Variants in SORCS2 observed in about 807,000 individuals in gnomAD.
The protein encoded by SORCS2 is sortilin related VPS10 domain containing receptor 2, also known as VPS10 domain-containing receptor SorCS2.
In SORCS2, 100 loss-of-function variants were observed where a neutral mutation model predicts 141.6. That is an observed-to-expected ratio of 0.71 (90% confidence interval 0.60 to 0.83). SORCS2 has a LOEUF of 0.83. Ranked by LOEUF, SORCS2 falls within the 40% of genes least tolerant of loss-of-function variation. The pLI is 0.00. For synonymous variants in SORCS2, 789 were observed against 676.9 expected, an observed-to-expected ratio of 1.17 and a Z score of -2.57; for missense variants, 1,646 against 1,560.2, an observed-to-expected ratio of 1.05 and a Z score of -0.93.
chr4:7,623,285 A>G (rs1719321981), intron 3 of SORCS2, among the ~76,000 whole-genome samples: 2 of 152,050 alleles, frequency 1.3e-5, no homozygotes, highest in Admixed American at 1.3e-4. Context: ...TGGTGCCTGG[A>G]GACATCCATT....
intron 2 of SORCS2, among the ~76,000 whole-genome samples, chr4:7,487,411 C>T (rs1279090312): frequency 6.6e-6 from 1 of 152,196 alleles, no homozygotes; most frequent in Non-Finnish European, 1.5e-5. Flanking sequence ...GGGGCCCAGA[C>T]CTCCACTTCC....
intron 3 of SORCS2, among the ~76,000 whole-genome samples, chr4:7,570,393 G>C (rs1290872701): frequency 6.6e-6 from 1 of 152,238 alleles, no homozygotes; most frequent in African/African-American, 2.4e-5. Flanking sequence ...CGCTGCCAGA[G>C]GCTGCTTCCG....
At chr4:7,194,033 G>A (rs533490914) in intron 1 of SORCS2, among the ~76,000 whole-genome samples, 34 of 152,140 alleles carry the variant, frequency 2.2e-4, no homozygotes, top group African/African-American at 7.9e-4. Context: ...CCCCACAAAA[G>A]GGCCAAGGGC....
intron 1 of SORCS2, among the ~76,000 whole-genome samples, chr4:7,338,177 A>ATGT (rs1720118585): frequency 6.9e-6 from 1 of 144,188 alleles, no homozygotes; most frequent in East Asian, 2.1e-4. Context: ...GGATGGATGG[A>ATGT]TGGATGTTGG....
chr4:7,572,770 A>C (rs1442645191), intron 3 of SORCS2, among the ~76,000 whole-genome samples: 1 of 152,190 alleles, frequency 6.6e-6, no homozygotes, highest in East Asian at 1.9e-4. Context: ...TTGCAAACTC[A>C]CTGAAAGGTG....
intron 3 of SORCS2, among the ~76,000 whole-genome samples, chr4:7,598,860 G>A (rs1456679533): frequency 1.3e-5 from 2 of 152,228 alleles, no homozygotes; most frequent in African/African-American, 4.8e-5. Flanking sequence ...CTCATGCTGA[G>A]CTCTGTGTCC....
intron 2 of SORCS2, among the ~76,000 whole-genome samples, chr4:7,401,119 A>T (rs534900241): frequency 9.2e-5 from 14 of 152,150 alleles, no homozygotes; most frequent in Middle Eastern, 3.4e-3. Context: ...AGATGGGTGG[A>T]TGAATGGATG....
chr4:7,601,312 A>AT (rs35696538), intron 3 of SORCS2, among the ~76,000 whole-genome samples: 15,169 of 148,560 alleles, frequency 0.1, 1,842 homozygotes, highest in African/African-American at 0.3. Flanking sequence ...ATTAAACCTC[A>AT]TTTTTTTTTT....
At chr4:7,307,732 CTG>C (rs145840974) in intron 1 of SORCS2, among the ~76,000 whole-genome samples, 1 of 152,268 alleles carries the variant, frequency 6.6e-6, no homozygotes, top group East Asian at 1.9e-4. Context: ...GACTGAGAAG[CTG>C]TGAGTGGTGT....
chr4:7,366,594 A>G (rs1294245221), intron 1 of SORCS2, among the ~76,000 whole-genome samples: 1 of 149,468 alleles, frequency 6.7e-6, no homozygotes, highest in Non-Finnish European at 1.5e-5. Context: ...TTGCACTGGC[A>G]GTTCCATCTG....
intron 3 of SORCS2, among the ~76,000 whole-genome samples, chr4:7,570,324 C>A (rs978959852): frequency 6.6e-6 from 1 of 152,204 alleles, no homozygotes; most frequent in South Asian, 2.1e-4. Flanking sequence ...TCGAGGCAAC[C>A]TCCACTCATG....
intron 3 of SORCS2, among the ~76,000 whole-genome samples, chr4:7,633,467 G>C (rs556497214): frequency 6.6e-6 from 1 of 152,282 alleles, no homozygotes; most frequent in South Asian, 2.1e-4. Context: ...CGTCCTACCT[G>C]CCTTTGTACC....
chr4:7,345,889 C>T (rs1720627213), intron 1 of SORCS2, among the ~76,000 whole-genome samples: 1 of 152,164 alleles, frequency 6.6e-6, no homozygotes, highest in Non-Finnish European at 1.5e-5. Flanking sequence ...TGGGTACCTG[C>T]CCTTAGAACA....
intron 3 of SORCS2, among the ~76,000 whole-genome samples, chr4:7,579,431 C>T (rs1715993973): frequency 6.6e-6 from 1 of 152,092 alleles, no homozygotes; most frequent in Non-Finnish European, 1.5e-5. Flanking sequence ...GTTATTAAAT[C>T]CATGTATAGC....
intron 2 of SORCS2, among the ~76,000 whole-genome samples, chr4:7,417,606 A>C (rs1402057782): frequency 6.6e-6 from 1 of 152,136 alleles, no homozygotes; most frequent in Non-Finnish European, 1.5e-5. Flanking sequence ...GAGATGGGGC[A>C]AAGGTGCTTT....
intron 3 of SORCS2, among the ~76,000 whole-genome samples, chr4:7,583,577 C>G (rs566918766): frequency 1.3e-5 from 2 of 152,246 alleles, no homozygotes; most frequent in South Asian, 2.1e-4. Flanking sequence ...GCAGTTTCCC[C>G]CATACTGTTC....
chr4:7,713,281 T>C (rs28533306), intron 15 of SORCS2, among the ~76,000 whole-genome samples: 2 of 152,016 alleles, frequency 1.3e-5, no homozygotes, highest in African/African-American at 4.8e-5. Context: ...ATGTGTAATA[T>C]GGACACTAAG....
intron 1 of SORCS2, among the ~76,000 whole-genome samples, chr4:7,342,856 T>C (rs1175093635): frequency 6.6e-6 from 1 of 152,160 alleles, no homozygotes; most frequent in East Asian, 1.9e-4. Context: ...ATCTCTTCCG[T>C]TGTAAATTTC....
intron 2 of SORCS2, among the ~76,000 whole-genome samples, chr4:7,403,997 A>ATATATATATATATTTTTTT (rs1265288820): frequency 1.1e-4 from 2 of 19,000 alleles, no homozygotes; most frequent in Non-Finnish European, 2.5e-4. Context: ...ATATATATAT[A>ATATATATATATATTTTTTT]TTTTTTTTTT....
Sources: allele counts gnomAD v4.1 joint callset (sites outside exome capture counted in the v4.1 genomes callset), GRCh38; gene constraint gnomAD v4.1.1; transcripts MANE v1.5; gene names NCBI Gene and HGNC (gene_info 2026-07-23, HGNC 2026-07-21).